The following SPIDR variants were observed in gnomAD, a reference collection of about 807,000 sequenced individuals.
SPIDR encodes the protein DNA repair-scaffolding protein.
Under a neutral mutation model 104.6 loss-of-function variants are expected in SPIDR, and 93 were observed. That is an observed-to-expected ratio of 0.89 (90% CI 0.75 to 1.06). The LOEUF is 1.06. SPIDR is among the 50% of genes least tolerant of loss of function. The probability of loss-of-function intolerance (pLI) is 0.00; values close to 1 mark genes in which losing one functional copy is unlikely to be tolerated. For missense variants in SPIDR, 1,154 were observed against 1,111.2 expected (o/e 1.04, Z -0.55); for synonymous variants, 431 against 416.9 (o/e 1.03, Z -0.41).
At chr8:47,516,155 G>T (rs893671623) in intron 8 of SPIDR, among the ~76,000 whole-genome samples, 1 of 152,136 alleles carries the variant, frequency 6.6e-6, no homozygotes, top group African/African-American at 2.4e-5. Context: ...TGCCCAGGCT[G>T]GTCTTGAATG....
At chr8:47,551,373 G>A (rs895151882) in intron 8 of SPIDR, among the ~76,000 whole-genome samples, 1 of 152,160 alleles carries the variant, frequency 6.6e-6, no homozygotes, top group African/African-American at 2.4e-5. Flanking sequence ...TCCTCTGGTG[G>A]AATTTGGCTG....
intron 10 of SPIDR, among the ~76,000 whole-genome samples, chr8:47,614,545 A>G (rs1433927966): frequency 6.6e-6 from 1 of 152,160 alleles, no homozygotes; most frequent in Non-Finnish European, 1.5e-5. Flanking sequence ...TTATGGCTGC[A>G]TAGTATTCCA....
chr8:47,523,956 A>G (rs1299001436), intron 8 of SPIDR, among the ~76,000 whole-genome samples: 1 of 152,200 alleles, frequency 6.6e-6, no homozygotes, highest in Non-Finnish European at 1.5e-5. Context: ...CACCTATGAA[A>G]AAACACAATG....
At chr8:47,680,633 C>T (rs1353096626) in intron 11 of SPIDR, among the ~76,000 whole-genome samples, 2 of 152,178 alleles carry the variant, frequency 1.3e-5, no homozygotes, top group Non-Finnish European at 2.9e-5. Flanking sequence ...AAAAAGGCCA[C>T]CCTTTTAAAA....
At chr8:47,420,755 G>A (rs1554679658) in intron 7 of SPIDR, among the ~76,000 whole-genome samples, 1 of 152,216 alleles carries the variant, frequency 6.6e-6, no homozygotes, top group African/African-American at 2.4e-5. Context: ...CCTGGTACCA[G>A]TTATTCCTTT....
chr8:47,437,192 C>T (rs782316784), intron 7 of SPIDR, among the ~76,000 whole-genome samples: 75 of 151,426 alleles, frequency 5.0e-4, no homozygotes, highest in Non-Finnish European at 6.9e-4. Context: ...GCGCTGCACC[C>T]GCTAACTCGT....
At chr8:47,489,081 A>G (rs2078209724) in intron 8 of SPIDR, among the ~76,000 whole-genome samples, 1 of 152,220 alleles carries the variant, frequency 6.6e-6, no homozygotes, top group South Asian at 2.1e-4. Context: ...TGCAGATGAC[A>G]TGATTGTATA....
Position 47,715,211 on chromosome 8 carries a change from C to G in SPIDR, c.2341+1570C>G, listed in dbSNP as rs1271561110. ...TTTTGTTTTGAGATGGAGTCTCGCT[C>G]TGTCACCCAGGCTGGAGTGCAGTGG... is the stretch of plus-strand genomic sequence containing the variant. On this transcript the variant is annotated intron_variant, in intron 16 of 19. Coordinates refer to ENST00000297423, the MANE Select transcript of SPIDR (RefSeq NM_001080394.4). 1.3e-5 allele frequency among the ~76,000 whole-genome samples: 2 copies of G among 152,194 alleles called. 1 individual carries two copies. The highest frequency in any genetic ancestry group is 4.1e-4 in the South Asian group (2 of 4,820).
chr8:47,447,457 G>T (rs186193938), intron 8 of SPIDR, among the ~76,000 whole-genome samples: 1 of 151,968 alleles, frequency 6.6e-6, no homozygotes. Flanking sequence ...CAGGTAATCC[G>T]CCTGCCTCAG....
intron 10 of SPIDR, among the ~76,000 whole-genome samples, chr8:47,669,784 G>C (rs1019464943): frequency 6.6e-6 from 1 of 152,140 alleles, no homozygotes; most frequent in Non-Finnish European, 1.5e-5. Context: ...GGTGGATCAC[G>C]AGGTCAAGAG....
At chr8:47,394,590 C>T (rs887526183) in intron 5 of SPIDR, among the ~76,000 whole-genome samples, 1 of 152,202 alleles carries the variant, frequency 6.6e-6, no homozygotes, top group Non-Finnish European at 1.5e-5. Flanking sequence ...ATTGCACACA[C>T]GTCGGCCCAC....
At chr8:47,286,335 G>A (rs2038845871) in intron 3 of SPIDR, among the ~76,000 whole-genome samples, 1 of 152,170 alleles carries the variant, frequency 6.6e-6, no homozygotes, top group African/African-American at 2.4e-5. Flanking sequence ...CCTTTCCAAT[G>A]AATGACTCAT....
chr8:47,714,506 T>C (rs951150792), intron 16 of SPIDR, among the ~76,000 whole-genome samples: 12 of 152,216 alleles, frequency 7.9e-5, no homozygotes, highest in Non-Finnish European at 8.8e-5. Context: ...ATTTTCTCTT[T>C]TTTAACTTTA....
chr8:47,411,890 A>G (rs1696766423), intron 7 of SPIDR, among the ~76,000 whole-genome samples: 1 of 152,212 alleles, frequency 6.6e-6, no homozygotes, highest in African/African-American at 2.4e-5. Context: ...TAGTTTTCCC[A>G]GCACCATTTA....
chr8:47,651,553 A>C (rs1383621736), intron 10 of SPIDR, among the ~76,000 whole-genome samples: 1 of 152,214 alleles, frequency 6.6e-6, no homozygotes, highest in Non-Finnish European at 1.5e-5. Context: ...TTCCTTAAAG[A>C]GCTAAAAGTA....
At chr8:47,466,896 A>AT (rs1554717473) in intron 8 of SPIDR, among the ~76,000 whole-genome samples, 2 of 93,192 alleles carry the variant, frequency 2.1e-5, no homozygotes, top group South Asian at 3.2e-4. Context: ...TGAAAAAAAA[A>AT]AAAAATATAT....
At chr8:47,346,815 A>G (rs184929850) in intron 5 of SPIDR, among the ~76,000 whole-genome samples, 3,027 of 151,970 alleles carry the variant, frequency 0.02, 243 homozygotes, top group Admixed American at 0.14. Flanking sequence ...TATCCCCTTT[A>G]TCATTTTTTA....
At chr8:47,712,958 G>A in intron 15 of SPIDR, 86 bp downstream of exon 15, 2 of 1,572,810 alleles carry the variant, frequency 1.3e-6, no homozygotes, top group Non-Finnish European at 8.6e-7. Context: ...ATGCCTCCTT[G>A]TTGCTTGGAC....
chr8:47,422,082 T>C (rs561007552), intron 7 of SPIDR, among the ~76,000 whole-genome samples: 24 of 152,308 alleles, frequency 1.6e-4, no homozygotes, highest in African/African-American at 5.8e-4. Context: ...AGGCAGTGTG[T>C]CCGTTCTCAG....
Sources: gnomAD v4.1 joint callset for allele counts (sites outside exome capture counted in the v4.1 genomes callset) on GRCh38, gnomAD v4.1.1 for gene constraint, MANE v1.5 for transcripts, NCBI Gene and HGNC (gene_info 2026-07-23, HGNC 2026-07-21) for gene names.